ZNF330: variants seen among roughly 807,000 people sequenced by gnomAD.
The protein encoded by ZNF330 is zinc finger protein 330.
A neutral mutation model predicts 45.5 loss-of-function variants in ZNF330; 31 were observed. The observed-to-expected ratio is 0.68, with a 90% CI of 0.51 to 0.92. The LOEUF (loss-of-function observed/expected upper bound fraction) is 0.92, where lower values mean the gene tolerates loss of function less well. Among genes scored for constraint, ZNF330 ranks in the 40% least tolerant of loss-of-function variants. ZNF330 has a pLI of 0.00. For missense variants in ZNF330, 356 were observed against 387.4 expected (o/e 0.92, Z 0.68); for synonymous variants, 138 against 123.2 (o/e 1.12, Z -0.79).
At position 141,225,060 on chromosome 4, in the gene ZNF330, G is replaced by A. The variant is rs189337044; in HGVS notation, c.211+383G>A. On this transcript the variant is annotated intron_variant, in intron 4 of 9. Coordinates refer to ENST00000262990, the MANE Select transcript of ZNF330 (RefSeq NM_014487.6). ...GATTCCTGCTGATATTACCTGCAGT[G>A]TGTTAGACCATTGGGAATAATTTTA... is the stretch of plus-strand genomic sequence containing the variant. Among the ~76,000 whole-genome samples the A allele has an allele frequency of 7.6e-4, 116 of 152,146 alleles. 2 individuals carry two copies. In the South Asian group the frequency reaches 0.011, roughly 15 times the overall value.
chr4:141,223,837 C>G, intron 2 of ZNF330: 1 of 454,060 alleles, frequency 2.2e-6, no homozygotes, highest in Non-Finnish European at 4.4e-6. Context: ...GGATTTTCAC[C>G]AGAACTTTCA....
At chr4:141,223,705 T>G in intron 2 of ZNF330, 1 of 443,910 alleles carries the variant, frequency 2.3e-6, no homozygotes, top group Non-Finnish European at 4.4e-6. Flanking sequence ...CTGGCATGCC[T>G]AAATATATAT....
chr4:141,232,906 G>GA (rs1728993797), intron 9 of ZNF330, among the ~76,000 whole-genome samples: 1 of 126,492 alleles, frequency 7.9e-6, no homozygotes, highest in African/African-American at 3.7e-5. Context: ...GATAAAGAGT[G>GA]ATTTTTTTTT....
chr4:141,233,474 C>T (rs1189705236), intron 9 of ZNF330, among the ~76,000 whole-genome samples: 1 of 152,086 alleles, frequency 6.6e-6, no homozygotes, highest in Non-Finnish European at 1.5e-5. Flanking sequence ...TTAAACATGC[C>T]TTAATACCTT....
intron 1 of ZNF330, among the ~76,000 whole-genome samples, chr4:141,221,753 T>G (rs1374124802): frequency 6.6e-6 from 1 of 151,240 alleles, no homozygotes; most frequent in Non-Finnish European, 1.5e-5. Flanking sequence ...CCCGTTAAAA[T>G]TACATGCTCA....
chr4:141,230,478 G>A (rs765726922), intron 7 of ZNF330, among the ~76,000 whole-genome samples: 1 of 152,024 alleles, frequency 6.6e-6, no homozygotes, highest in Non-Finnish European at 1.5e-5. Context: ...TATTGGTTGG[G>A]CCAGTTTTTC....
Position 141,229,644 on chromosome 4 carries a change from G to T in ZNF330, c.365G>T (p.Cys122Phe), listed in dbSNP as rs775432301. The change falls in exon 6 of 10, where the codon TGC (cysteine) becomes TTC (phenylalanine). Residue 122 changes from cysteine (C) to phenylalanine (F), a missense_variant. By Grantham distance (205) the Cys-to-Phe change is radical. Coordinates refer to ENST00000262990, the MANE Select transcript of ZNF330 (RefSeq NM_014487.6). ...RKCLSTHACA[C>F]PLTDAECVEC... ...TGTCTCAGTACACATGCTTGTGCCT[G>T]CCCTCTTACCGATGCTGAGTGTGTT... 2 of 1,613,190 alleles carry T rather than the reference G, an allele frequency of 1.2e-6. No homozygotes were observed. The highest frequency in any genetic ancestry group is 1.7e-6 in the Non-Finnish European group (2 of 1,179,344).
chr4:141,231,673 A>G (rs1192101236), intron 8 of ZNF330, among the ~76,000 whole-genome samples, 188 bp downstream of exon 8: 1 of 152,078 alleles, frequency 6.6e-6, no homozygotes, highest in Non-Finnish European at 1.5e-5. Flanking sequence ...ATGGTCATCC[A>G]GTCACCTTTT....
At chr4:141,221,368 G>T (rs551938741) in intron 1 of ZNF330, among the ~76,000 whole-genome samples, 33 of 152,280 alleles carry the variant, frequency 2.2e-4, no homozygotes, top group African/African-American at 7.9e-4. Context: ...TCTTTTGAGC[G>T]TGCAGAACAA....
Position 141,229,558 on chromosome 4 carries a change from TC to T in ZNF330, c.292-11del, listed in dbSNP as rs1220793507. 7 of 1,612,410 alleles carry T rather than the reference TC, an allele frequency of 4.3e-6. No homozygotes were observed. Among genetic ancestry groups the T allele is most frequent in the Admixed American group, 3.3e-5 (2 of 59,966 alleles). ...GGTGATAATGATTATGTATTCTTGT[TC>T]CTTGGTTACAGGGTGCAATATGTGA... On this transcript the variant is annotated splice_polypyrimidine_tract_variant and intron_variant, in intron 5 of 9. Transcript: ENST00000262990.
At chr4:141,226,903 T>C in intron 5 of ZNF330, 57 bp downstream of exon 5, 1 of 1,377,790 alleles carries the variant, frequency 7.3e-7, no homozygotes, top group Non-Finnish European at 1.0e-6. Context: ...AAAATGTCAT[T>C]CTGATCAGTG....
chr4:141,227,977 T>C (rs1259491482), intron 5 of ZNF330, among the ~76,000 whole-genome samples: 2 of 152,146 alleles, frequency 1.3e-5, no homozygotes, highest in African/African-American at 4.8e-5. Context: ...TGTATTGCAG[T>C]ATGATTTTAT....
intron 6 of ZNF330, 64 bp from the exon 7 acceptor site, chr4:141,230,102 T>C (rs1728911534): frequency 1.7e-6 from 2 of 1,165,916 alleles, no homozygotes; most frequent in Admixed American, 1.9e-5. Context: ...AGCAGTATTA[T>C]AGATATGAGT....
rs1195679145 is a variant in ZNF330, at chr4:141,226,771, A to G, written c.216A>G (p.Lys72=). The G allele has an allele frequency of 3.7e-6, 6 of 1,612,790 alleles. No individual in the cohort carries two copies. In the Admixed American group the frequency reaches 5.0e-5, roughly 13 times the overall value. The change falls in exon 5 of 10, where the codon AAA becomes AAG. Residue 72 remains lysine (K), a synonymous_variant. Coordinates refer to ENST00000262990, the MANE Select transcript of ZNF330 (RefSeq NM_014487.6). ...GCAAATGTTTTTCTTCATTAGGGAA[A>G]ACAAAGTGCATGATGAAGTCTTCAG... ...QKLPICAQCG[K]TKCMMKSSDC...
chr4:141,224,383 T>G, intron 2 of ZNF330, 104 bp from the exon 3 acceptor site: 1 of 1,053,738 alleles, frequency 9.5e-7, no homozygotes, highest in Non-Finnish European at 1.4e-6. Flanking sequence ...TGGTGTAGTG[T>G]CACTTAAATT....
chr4:141,234,291 TAAAG>T lies in ZNF330; in HGVS notation c.*303_*306del, dbSNP rs1729031850. The T allele has an allele frequency of 4.3e-6, 1 of 233,566 alleles. No homozygotes were observed. The highest frequency in any genetic ancestry group is 8.1e-6 in the Non-Finnish European group (1 of 122,794). 14.5% of individuals were successfully genotyped at this position (233,566 alleles called of 1,614,324 possible). A position where few individuals can be genotyped will look rare whatever the true frequency, so the allele number is the denominator to read the frequency against. On this transcript the variant is annotated 3_prime_UTR_variant, in exon 10 of 10. Coordinates refer to ENST00000262990, the MANE Select transcript of ZNF330 (RefSeq NM_014487.6). ...GCCAATTAGATACATATATACAAGATAAAGGAATAGGATGGTAATATATTTGTTT... is the reference window on the plus strand; with the variant it reads ...GCCAATTAGATACATATATACAAGATGAATAGGATGGTAATATATTTGTTT...
chr4:141,224,542 A>C, intron 3 of ZNF330, 36 bp downstream of exon 3: 1 of 1,607,556 alleles, frequency 6.2e-7, no homozygotes, highest in Non-Finnish European at 8.5e-7. Flanking sequence ...ACCTTTAATA[A>C]AATTGTCCCT....
chr4:141,224,311 C>T (rs1476638784), intron 2 of ZNF330, among the ~76,000 whole-genome samples, 176 bp from the exon 3 acceptor site: 2 of 152,112 alleles, frequency 1.3e-5, no homozygotes, highest in Non-Finnish European at 2.9e-5. Flanking sequence ...GTATCACTCT[C>T]GCATACCTTT....
At chr4:141,222,199 A>T (rs1728695716) in intron 1 of ZNF330, among the ~76,000 whole-genome samples, 167 bp from the exon 2 acceptor site, 2 of 152,198 alleles carry the variant, frequency 1.3e-5, no homozygotes, top group Admixed American at 1.3e-4. Flanking sequence ...ATTTGGAATA[A>T]TATGTGCTTA....
Sources: gnomAD v4.1 joint callset for allele counts (sites outside exome capture counted in the v4.1 genomes callset) on GRCh38, gnomAD v4.1.1 for gene constraint, MANE v1.5 for transcripts, NCBI Gene and HGNC (gene_info 2026-07-23, HGNC 2026-07-21) for gene names.